Variants in SDK1 observed in about 807,000 individuals in gnomAD.
SDK1 encodes the protein sidekick cell adhesion molecule 1.
A neutral mutation model predicts 245.5 loss-of-function variants in SDK1; 157 were observed. That is an observed-to-expected ratio of 0.64 (90% CI 0.56 to 0.73). The LOEUF is 0.73. Ranked by LOEUF, SDK1 falls within the 30% of genes least tolerant of loss-of-function variation. The probability of loss-of-function intolerance (pLI) is 0.00; values close to 1 mark genes in which losing one functional copy is unlikely to be tolerated. For synonymous variants in SDK1, 1,647 were observed against 1,278.5 expected (o/e 1.29, Z -6.15); for missense variants, 3,583 against 3,002.3 (o/e 1.19, Z -4.52).
chr7:3,970,066 T>C (rs888548905), intron 11 of SDK1, among the ~76,000 whole-genome samples: 1 of 152,194 alleles, frequency 6.6e-6, no homozygotes, highest in Non-Finnish European at 1.5e-5. Context: ...TGGTCCCCCA[T>C]TGCCACTTTT....
rs774117600 is a variant in SDK1, at chr7:4,233,289, C to T, written c.5862C>T (p.Ile1954=). The T allele has an allele frequency of 1.9e-6, 3 of 1,613,812 alleles. No homozygotes were observed. Among genetic ancestry groups the T allele is most frequent in the Non-Finnish European group, 2.5e-6 (3 of 1,180,008 alleles). The change falls in exon 41 of 45, where the codon ATC becomes ATT. Residue 1954 remains isoleucine, a synonymous_variant. Coordinates refer to ENST00000404826, the MANE Select transcript of SDK1 (RefSeq NM_152744.4). ...EGLWDMFVKD[I]PRSATSYTLS... ...TATGGGACATGTTTGTGAAGGACAT[C>T]CCGCGGAGCGCCACATCCTACACCC...
At chr7:3,994,558 C>G (rs1443384986) in intron 14 of SDK1, among the ~76,000 whole-genome samples, 2 of 151,052 alleles carry the variant, frequency 1.3e-5, no homozygotes, top group African/African-American at 4.9e-5. Flanking sequence ...GGGAGGATCA[C>G]TTGAACCCAG....
At chr7:4,212,512 T>C (rs111647536) in intron 38 of SDK1, among the ~76,000 whole-genome samples, 5,274 of 152,106 alleles carry the variant, frequency 0.035, 135 homozygotes, top group South Asian at 0.066. Flanking sequence ...AGAGAGGGCA[T>C]GGGAGGGACG....
Position 3,504,168 on chromosome 7 carries a change from T to TTATA in SDK1, c.299-114900_299-114897dup, listed in dbSNP as rs540962515. Among the ~76,000 whole-genome samples, 6 of 110,058 alleles carry TTATA rather than the reference T, an allele frequency of 5.5e-5. No homozygotes were observed. In the East Asian group the frequency reaches 9.2e-4, roughly 17 times the overall value. 72.2% of individuals were successfully genotyped at this position (110,058 alleles called of 152,430 possible). A position where few individuals can be genotyped will look rare whatever the true frequency, so the allele number is the denominator to read the frequency against. On this transcript the variant is annotated intron_variant, in intron 1 of 44. Coordinates refer to ENST00000404826, the MANE Select transcript of SDK1 (RefSeq NM_152744.4). ...CCTTCTCAAAAAAAAACCAAAAAAA[T>TTATA]TATATATATATATATGTGTGTGTGT...
intron 1 of SDK1, among the ~76,000 whole-genome samples, chr7:3,473,326 G>C (rs1029048722): frequency 2.0e-5 from 3 of 152,156 alleles, no homozygotes; most frequent in African/African-American, 4.8e-5. Context: ...AGAAGAACAG[G>C]TAGAAAACAA....
intron 1 of SDK1, among the ~76,000 whole-genome samples, chr7:3,500,489 A>T (rs577314081): frequency 2.0e-5 from 3 of 152,188 alleles, no homozygotes; most frequent in African/African-American, 7.2e-5. Context: ...TCTTGCTTCC[A>T]GTGTTGCTGT....
chr7:3,641,016 T>G (rs1782633299), intron 3 of SDK1, among the ~76,000 whole-genome samples: 1 of 152,082 alleles, frequency 6.6e-6, no homozygotes, highest in Non-Finnish European at 1.5e-5. Flanking sequence ...TCTTTTCTCC[T>G]TTGCTTTGAT....
intron 1 of SDK1, among the ~76,000 whole-genome samples, chr7:3,507,748 A>G (rs1374713683): frequency 6.6e-6 from 1 of 152,072 alleles, no homozygotes; most frequent in Non-Finnish European, 1.5e-5. Context: ...TTTTTCCTTC[A>G]GTGCGGGACT....
intron 40 of SDK1, among the ~76,000 whole-genome samples, chr7:4,232,668 T>C (rs1431164182): frequency 6.6e-6 from 1 of 152,010 alleles, no homozygotes; most frequent in Non-Finnish European, 1.5e-5. Context: ...TTCCCTGTGT[T>C]GCCCAGGCTG....
At chr7:3,723,933 TATATATATATAGAGAGAGAG>T (rs1562397723) in intron 4 of SDK1, among the ~76,000 whole-genome samples, 13 of 119,816 alleles carry the variant, frequency 1.1e-4, no homozygotes, top group African/African-American at 4.0e-4. Flanking sequence ...CGTATATATA[TATATATATATAGAGAGAGAG>T]AGAGAGAGAG....
chr7:3,618,700 A>G (rs1347730036), intron 1 of SDK1, among the ~76,000 whole-genome samples: 1 of 152,194 alleles, frequency 6.6e-6, no homozygotes, highest in East Asian at 1.9e-4. Flanking sequence ...TATAGAGGAA[A>G]CTTCTCTTTT....
At chr7:3,633,660 G>T (rs1782369448) in intron 2 of SDK1, among the ~76,000 whole-genome samples, 1 of 152,042 alleles carries the variant, frequency 6.6e-6, no homozygotes, top group African/African-American at 2.4e-5. Context: ...GTTTTGCTAT[G>T]ACCGTGGTGA....
intron 17 of SDK1, among the ~76,000 whole-genome samples, chr7:4,034,195 C>G (rs1788050108): frequency 6.6e-6 from 1 of 152,120 alleles, no homozygotes; most frequent in Non-Finnish European, 1.5e-5. Flanking sequence ...ACGGCAGCCT[C>G]CAAAAGTGAC....
chr7:3,596,480 G>A (rs1019299684), intron 1 of SDK1, among the ~76,000 whole-genome samples: 2 of 152,176 alleles, frequency 1.3e-5, no homozygotes, highest in African/African-American at 4.8e-5. Context: ...CAGAAAGCAT[G>A]AAAAGAATTT....
At chr7:3,386,178 T>G (rs998425132) in intron 1 of SDK1, among the ~76,000 whole-genome samples, 3 of 152,220 alleles carry the variant, frequency 2.0e-5, no homozygotes, top group African/African-American at 7.2e-5. Context: ...GTTTTATGTA[T>G]TAGCATCCAG....
chr7:3,438,549 G>A (rs1780096516), intron 1 of SDK1, among the ~76,000 whole-genome samples: 2 of 152,204 alleles, frequency 1.3e-5, no homozygotes, highest in African/African-American at 4.8e-5. Context: ...GAAGGCCCAT[G>A]TGTCAGTGCT....
chr7:4,032,514 A>T (rs1301962702), intron 17 of SDK1, among the ~76,000 whole-genome samples: 1 of 152,202 alleles, frequency 6.6e-6, no homozygotes, highest in Non-Finnish European at 1.5e-5. Context: ...AGACAAGAGA[A>T]AGCAAGGCGA....
At chr7:3,921,756 A>T (rs141717673) in intron 5 of SDK1, among the ~76,000 whole-genome samples, 35 of 152,262 alleles carry the variant, frequency 2.3e-4, no homozygotes, top group African/African-American at 7.5e-4. Flanking sequence ...ACTTGAGCCC[A>T]GGAGCTCAAG....
chr7:4,006,329 C>G (rs1785486702), intron 14 of SDK1, among the ~76,000 whole-genome samples: 2 of 152,144 alleles, frequency 1.3e-5, no homozygotes, highest in South Asian at 4.1e-4. Flanking sequence ...TGTAAAATCC[C>G]TCAGTCTTCT....
Sources: allele counts gnomAD v4.1 joint callset (sites outside exome capture counted in the v4.1 genomes callset), GRCh38; gene constraint gnomAD v4.1.1; transcripts MANE v1.5; gene names NCBI Gene and HGNC (gene_info 2026-07-23, HGNC 2026-07-21).